SMOC2: variants seen among roughly 807,000 people sequenced by gnomAD.
The protein encoded by SMOC2 is SPARC related modular calcium binding 2, also known as SPARC-related modular calcium-binding protein 2.
Under a neutral mutation model 61.4 loss-of-function variants are expected in SMOC2, and 39 were observed. The ratio of observed to expected loss-of-function variants is 0.64; its 90% CI spans 0.49 to 0.83. The LOEUF (loss-of-function observed/expected upper bound fraction) is 0.83. SMOC2 is among the 40% of genes least tolerant of loss of function. The probability of loss-of-function intolerance (pLI) is 0.00; values close to 1 mark genes in which losing one functional copy is unlikely to be tolerated. For synonymous variants in SMOC2, 247 were observed against 239.9 expected, an observed-to-expected ratio of 1.03 and a Z score of -0.27; for missense variants, 556 against 592.9, an observed-to-expected ratio of 0.94 and a Z score of 0.65.
intron 7 of SMOC2, among the ~76,000 whole-genome samples, chr6:168,572,906 C>T (rs1784700199): frequency 1.9e-5 from 2 of 106,778 alleles, no homozygotes; most frequent in Non-Finnish European, 1.7e-5. Context: ...TCCCTGAACG[C>T]GATGTTCACT....
intron 1 of SMOC2, among the ~76,000 whole-genome samples, chr6:168,461,031 G>A (rs1456605687): frequency 6.6e-6 from 1 of 152,164 alleles, no homozygotes; most frequent in African/African-American, 2.4e-5. Context: ...GTATTAGTCT[G>A]TTTTTACACT....
chr6:168,502,924 G>T (rs919038677), intron 1 of SMOC2, among the ~76,000 whole-genome samples: 1 of 151,520 alleles, frequency 6.6e-6, no homozygotes, highest in Admixed American at 6.6e-5. Context: ...GTGTCACCAC[G>T]CCTGGCTAAT....
intron 2 of SMOC2, among the ~76,000 whole-genome samples, chr6:168,524,216 A>G (rs1783403710): frequency 6.6e-6 from 1 of 152,192 alleles, no homozygotes; most frequent in Non-Finnish European, 1.5e-5. Flanking sequence ...AACACGAGAT[A>G]TCCAGAATAA....
chr6:168,516,491 C>T (rs1291828517), intron 2 of SMOC2, among the ~76,000 whole-genome samples: 25 of 151,928 alleles, frequency 1.6e-4, no homozygotes, highest in Admixed American at 1.6e-3. Flanking sequence ...AGCTTCTGAA[C>T]GGGCGAGTCT....
chr6:168,474,790 G>GT (rs1181834742), intron 1 of SMOC2, among the ~76,000 whole-genome samples: 1 of 152,084 alleles, frequency 6.6e-6, no homozygotes, highest in Non-Finnish European at 1.5e-5. Context: ...GATGTTCTGT[G>GT]TAGAAAACGT....
chr6:168,551,684 C>T (rs1185708112), intron 7 of SMOC2, among the ~76,000 whole-genome samples: 1 of 152,120 alleles, frequency 6.6e-6, no homozygotes, highest in Non-Finnish European at 1.5e-5. Context: ...AAACTCCTGA[C>T]CTCAAGTGAT....
chr6:168,476,466 C>CTGTGTGTGTGTGTGTG (rs1191864533), intron 1 of SMOC2, among the ~76,000 whole-genome samples: 1 of 139,778 alleles, frequency 7.2e-6, no homozygotes, highest in African/African-American at 3.0e-5. Context: ...ATCTTTTATC[C>CTGTGTGTGTGTGTGTG]TGTGTGTGTG....
At chr6:168,494,861 G>A (rs1358890300) in intron 1 of SMOC2, among the ~76,000 whole-genome samples, 1 of 152,208 alleles carries the variant, frequency 6.6e-6, no homozygotes, top group Non-Finnish European at 1.5e-5. Context: ...TTGTCTAAGT[G>A]CACTGGGCCT....
intron 2 of SMOC2, among the ~76,000 whole-genome samples, chr6:168,525,685 G>T (rs1252940558): frequency 6.6e-6 from 1 of 152,114 alleles, no homozygotes; most frequent in Non-Finnish European, 1.5e-5. Context: ...TTTCTAAGAA[G>T]ACCTGACCCT....
At chr6:168,582,708 C>A (rs1039309332) in intron 7 of SMOC2, among the ~76,000 whole-genome samples, 1 of 152,222 alleles carries the variant, frequency 6.6e-6, no homozygotes, top group Non-Finnish European at 1.5e-5. Context: ...CAGGCTCCCC[C>A]CACCTGGGAG....
chr6:168,653,335 C>CAA, intron 11 of SMOC2, 107 bp downstream of exon 11: 1 of 1,313,410 alleles, frequency 7.6e-7, no homozygotes, highest in Non-Finnish European at 1.0e-6. Flanking sequence ...CCTGGGAGTG[C>CAA]AAAAAATCAA....
chr6:168,604,814 A>G (rs1785646049), intron 8 of SMOC2, among the ~76,000 whole-genome samples: 1 of 152,172 alleles, frequency 6.6e-6, no homozygotes, highest in Non-Finnish European at 1.5e-5. Flanking sequence ...AGTACATGCC[A>G]CTCTGCCCAG....
intron 1 of SMOC2, among the ~76,000 whole-genome samples, chr6:168,487,509 T>C (rs1298267862): frequency 6.6e-6 from 1 of 152,192 alleles, no homozygotes; most frequent in African/African-American, 2.4e-5. Flanking sequence ...AAAAATTACC[T>C]TTTTTCTTTT....
chr6:168,513,031 T>C, intron 2 of SMOC2, among the ~76,000 whole-genome samples: 1 of 95,972 alleles, frequency 1.0e-5, no homozygotes, highest in African/African-American at 4.0e-5. Flanking sequence ...AAAATGTCCA[T>C]AAAAGTAAAG....
chr6:168,537,127 T>C (rs1345047985), intron 4 of SMOC2, among the ~76,000 whole-genome samples: 1 of 152,248 alleles, frequency 6.6e-6, no homozygotes, highest in African/African-American at 2.4e-5. Flanking sequence ...GTCTATTTCT[T>C]AGCTGTAAGC....
chr6:168,484,080 AT>A (rs1319587708), intron 1 of SMOC2, among the ~76,000 whole-genome samples: 1 of 152,178 alleles, frequency 6.6e-6, no homozygotes, highest in African/African-American at 2.4e-5. Context: ...CACAAGAAAA[AT>A]TGTACAAATT....
chr6:168,513,466 TACAC>T (rs1196234440), intron 2 of SMOC2, among the ~76,000 whole-genome samples: 37 of 16,380 alleles, frequency 2.3e-3, no homozygotes, highest in African/African-American at 3.1e-3. Context: ...CACACACAAA[TACAC>T]ACACACACAT....
At chr6:168,577,617 C>G (rs1784836282) in intron 7 of SMOC2, among the ~76,000 whole-genome samples, 1 of 152,194 alleles carries the variant, frequency 6.6e-6, no homozygotes, top group East Asian at 1.9e-4. Context: ...GTGACACGCA[C>G]CCTCATCCTG....
chr6:168,485,520 TACA>T (rs1038855910), intron 1 of SMOC2, among the ~76,000 whole-genome samples: 14 of 152,194 alleles, frequency 9.2e-5, no homozygotes, highest in African/African-American at 3.4e-4. Context: ...TGATACACAC[TACA>T]ACAAGGATGA....
Sources: allele counts gnomAD v4.1 joint callset (sites outside exome capture counted in the v4.1 genomes callset), GRCh38; gene constraint gnomAD v4.1.1; transcripts MANE v1.5; gene names NCBI Gene and HGNC (gene_info 2026-07-23, HGNC 2026-07-21).